The following DOCK8 variants were observed in gnomAD, a reference collection of about 807,000 sequenced individuals.
DOCK8 encodes dedicator of cytokinesis protein 8.
Under a neutral mutation model 245.6 loss-of-function variants are expected in DOCK8, and 141 were observed. The ratio of observed to expected loss-of-function variants is 0.57; its 90% CI spans 0.50 to 0.66. The LOEUF is 0.66. Among genes scored for constraint, DOCK8 ranks in the 30% least tolerant of loss-of-function variants. The pLI, the probability that DOCK8 is intolerant of heterozygous loss-of-function variation, is 0.00. For synonymous variants in DOCK8, 1,168 were observed against 970.2 expected, an observed-to-expected ratio of 1.20 and a Z score of -3.79; for missense variants, 2,965 against 2,603.4, an observed-to-expected ratio of 1.14 and a Z score of -3.02.
intron 1 of DOCK8, among the ~76,000 whole-genome samples, chr9:250,683 A>T (rs1345821745): frequency 6.6e-6 from 1 of 152,230 alleles, no homozygotes; most frequent in Non-Finnish European, 1.5e-5. Flanking sequence ...CCATTCAAGA[A>T]ACTGAGGATG....
At chr9:233,252 G>C (rs1016954288) in intron 1 of DOCK8, among the ~76,000 whole-genome samples, 21 of 151,842 alleles carry the variant, frequency 1.4e-4, no homozygotes, top group Non-Finnish European at 3.1e-4. Context: ...TTGCACTGTG[G>C]TCTGAGAGAC....
At chr9:317,180 A>C (rs1458666902) in intron 7 of DOCK8, 52 bp downstream of exon 7, 12 of 1,376,736 alleles carry the variant, frequency 8.7e-6, no homozygotes, top group Non-Finnish European at 1.2e-5. Context: ...CTTGCCTTTT[A>C]CATACAAATG....
At chr9:240,080 A>T (rs1309794071) in intron 1 of DOCK8, among the ~76,000 whole-genome samples, 1 of 152,214 alleles carries the variant, frequency 6.6e-6, no homozygotes, top group Non-Finnish European at 1.5e-5. Flanking sequence ...CTCCATTGAT[A>T]TGTGTGGCTC....
chr9:370,184 A>G, intron 15 of DOCK8, 46 bp from the exon 16 acceptor site: 2 of 1,482,192 alleles, frequency 1.3e-6, no homozygotes, highest in Non-Finnish European at 1.9e-6. Context: ...AATTTGATGT[A>G]CCCAAATGTT....
chr9:412,140 C>G (rs139592066), intron 28 of DOCK8, among the ~76,000 whole-genome samples: 9 of 152,030 alleles, frequency 5.9e-5, no homozygotes, highest in Non-Finnish European at 1.3e-4. Context: ...TGGTGGCTCA[C>G]GCCTGTAATC....
intron 1 of DOCK8, among the ~76,000 whole-genome samples, chr9:240,991 T>C (rs1477798031): frequency 6.6e-6 from 1 of 152,208 alleles, no homozygotes; most frequent in Non-Finnish European, 1.5e-5. Context: ...AAATGATTAT[T>C]GTTTCTTTTT....
chr9:218,264 G>A (rs545778120), intron 1 of DOCK8, among the ~76,000 whole-genome samples: 3 of 152,194 alleles, frequency 2.0e-5, no homozygotes, highest in African/African-American at 4.8e-5. Flanking sequence ...ATATTTGTGG[G>A]ATAAAACCAG....
At chr9:258,266 A>G (rs1200353985) in intron 1 of DOCK8, among the ~76,000 whole-genome samples, 1 of 152,246 alleles carries the variant, frequency 6.6e-6, no homozygotes, top group Non-Finnish European at 1.5e-5. Context: ...TCACACAGAC[A>G]TGCTGCTAAT....
Position 340,168 on chromosome 9 carries a change from G to A in DOCK8, c.1526G>A (p.Arg509Lys), listed in dbSNP as rs2051509736. ...TATTTTCTCTCTTTAGGCTTGCTAA[G>A]ACTGGAGATTTCTACAGCTCCAGAG... Reference protein sequence around the residue: ...RRVKSIPGLLRLEISTAPEII... With the variant: ...RRVKSIPGLLKLEISTAPEII... Residue 509 changes from arginine (R) to lysine (K), a missense_variant, in exon 14 of 48, where the codon AGA (arginine) becomes AAA (lysine). Physicochemically the swap from Arg to Lys is conservative, Grantham distance 26. Around this residue, in one of 3 missense-constraint regions of DOCK8, gnomAD observed 2,825 missense variants for 2,453.5 expected, o/e 1.15. Transcript: ENST00000432829. 1.9e-6 allele frequency: 3 copies of A among 1,614,048 alleles called. No individual in the cohort carries two copies. In the Admixed American group the frequency reaches 5.0e-5, roughly 27 times the overall value.
At chr9:367,089 C>T (rs1394504035) in intron 14 of DOCK8, among the ~76,000 whole-genome samples, 1 of 152,048 alleles carries the variant, frequency 6.6e-6, no homozygotes, top group Non-Finnish European at 1.5e-5. Context: ...GGGATGATGA[C>T]AATGATAATA....
At chr9:304,095 G>C (rs2049691492) in intron 4 of DOCK8, among the ~76,000 whole-genome samples, 1 of 152,198 alleles carries the variant, frequency 6.6e-6, no homozygotes. Context: ...GATTGAGGAT[G>C]TTTGCAAAGT....
intron 5 of DOCK8, among the ~76,000 whole-genome samples, chr9:307,085 G>C (rs2049869379): frequency 6.6e-6 from 1 of 152,120 alleles, no homozygotes; most frequent in African/African-American, 2.4e-5. Context: ...AATAGCAAGA[G>C]GAAGGAGCCA....
At chr9:394,497 C>T (rs541542269) in intron 24 of DOCK8, among the ~76,000 whole-genome samples, 3 of 152,336 alleles carry the variant, frequency 2.0e-5, no homozygotes, top group African/African-American at 7.2e-5. Flanking sequence ...ACAACCTGGG[C>T]AATTTAACAC....
At chr9:334,459 G>A in intron 11 of DOCK8, 75 bp downstream of exon 11, 1 of 1,520,112 alleles carries the variant, frequency 6.6e-7, no homozygotes, top group East Asian at 2.3e-5. Context: ...TTACTAGCGG[G>A]GACTGGGGGC....
At chr9:219,163 G>A (rs772798648) in intron 1 of DOCK8, among the ~76,000 whole-genome samples, 2 of 152,102 alleles carry the variant, frequency 1.3e-5, no homozygotes, top group Admixed American at 1.3e-4. Flanking sequence ...CCTTCATTTC[G>A]TCCTTTCAGA....
intron 23 of DOCK8, among the ~76,000 whole-genome samples, chr9:388,517 T>C (rs1041659289): frequency 1.3e-5 from 2 of 152,122 alleles, no homozygotes; most frequent in South Asian, 2.1e-4. Context: ...CAAGAATTAG[T>C]ACATTGGGTT....
At chr9:348,140 AT>A (rs1397144950) in intron 14 of DOCK8, among the ~76,000 whole-genome samples, 2 of 152,076 alleles carry the variant, frequency 1.3e-5, no homozygotes, top group Non-Finnish European at 2.9e-5. Context: ...GACATCTGGC[AT>A]TTTTTTGGAA....
At chr9:305,919 C>T (rs56189385) in intron 5 of DOCK8, among the ~76,000 whole-genome samples, 57,610 of 151,834 alleles carry the variant, frequency 0.38, 11,681 homozygotes, top group African/African-American at 0.51. Flanking sequence ...AATGTGGTCG[C>T]CAGGGGCTGG....
At chr9:275,859 G>C (rs957221374) in intron 2 of DOCK8, among the ~76,000 whole-genome samples, 10 of 147,774 alleles carry the variant, frequency 6.8e-5, no homozygotes, top group African/African-American at 2.3e-4. Flanking sequence ...AAAGTGCTGG[G>C]ATTACAGGCA....
Sources: allele counts gnomAD v4.1 joint callset (sites outside exome capture counted in the v4.1 genomes callset), GRCh38; gene constraint gnomAD v4.1.1; regional missense constraint gnomAD v4.1.1; transcripts MANE v1.5; gene names NCBI Gene and HGNC (gene_info 2026-07-23, HGNC 2026-07-21).